The following COL12A1 variants were observed in gnomAD, a reference collection of about 807,000 sequenced individuals.
COL12A1 encodes collagen alpha-1(XII) chain.
COL12A1 carries 114 observed loss-of-function variants against 349.7 expected under a neutral mutation model. The observed-to-expected ratio is 0.33, with a 90% CI of 0.28 to 0.38. The LOEUF (loss-of-function observed/expected upper bound fraction) is 0.38, where lower values mean the gene tolerates loss of function less well. Ranked by LOEUF, COL12A1 falls within the 10% of genes least tolerant of loss-of-function variation. The pLI is 1.00. For missense variants in COL12A1, 3,284 were observed against 3,756.9 expected, an observed-to-expected ratio of 0.87 and a Z score of 3.29; for synonymous variants, 1,369 against 1,329.0, an observed-to-expected ratio of 1.03 and a Z score of -0.66.
At chr6:75,112,103 T>C (rs530748714) in intron 51 of COL12A1, among the ~76,000 whole-genome samples, 154 of 151,988 alleles carry the variant, frequency 1.0e-3, no homozygotes, top group African/African-American at 3.5e-3. Context: ...TTTTAAAGCA[T>C]CTGTGCAACA....
chr6:75,197,123 T>C (rs1371308501), intron 2 of COL12A1, among the ~76,000 whole-genome samples: 1 of 152,146 alleles, frequency 6.6e-6, no homozygotes, highest in Non-Finnish European at 1.5e-5. Flanking sequence ...GTTTGTTTCA[T>C]GAAAAAATAA....
chr6:75,119,560 G>A, intron 44 of COL12A1, 87 bp from the exon 45 acceptor site: 1 of 1,474,714 alleles, frequency 6.8e-7, no homozygotes, highest in South Asian at 1.4e-5. Flanking sequence ...GCGGAATAAA[G>A]CGGTGGGGGT....
intron 13 of COL12A1, among the ~76,000 whole-genome samples, chr6:75,169,407 A>G (rs1463781829): frequency 6.6e-6 from 1 of 152,152 alleles, no homozygotes; most frequent in Non-Finnish European, 1.5e-5. Context: ...CTGCTCCTCA[A>G]AAGGGGAAGG....
rs1317334608 is a variant in COL12A1 at position 75,119,290 on chromosome 6, A to C, written c.7210+60T>G. ...AAGAATCTGGATATCAGCATGAGAT[A>C]ATACACTCAGTTCTGCCACTACAAA... is the stretch of plus-strand genomic sequence containing the variant. On this transcript the variant is annotated intron_variant, in intron 45 of 65. Transcript: ENST00000322507. 5 of 1,606,200 alleles carry C rather than the reference A, an allele frequency of 3.1e-6. No homozygotes were observed. In the African/African-American group the frequency reaches 5.4e-5, roughly 17 times the overall value.
chr6:75,178,613 G>A (rs371523403), intron 11 of COL12A1, among the ~76,000 whole-genome samples: 7 of 152,272 alleles, frequency 4.6e-5, no homozygotes, highest in African/African-American at 1.7e-4. Context: ...TTTGTGTTTA[G>A]TAAACATGTT....
chr6:75,203,372 G>T (rs374814351), intron 1 of COL12A1, among the ~76,000 whole-genome samples: 39 of 152,052 alleles, frequency 2.6e-4, no homozygotes, highest in Non-Finnish European at 5.0e-4. Flanking sequence ...AATATGTAAG[G>T]CCCAGCTGAA....
At chr6:75,139,480 G>A (rs1186066761) in intron 27 of COL12A1, among the ~76,000 whole-genome samples, 5 of 152,100 alleles carry the variant, frequency 3.3e-5, no homozygotes. Flanking sequence ...GATACCCAAA[G>A]GAAACAGTTT....
At chr6:75,194,969 T>A in intron 2 of COL12A1, 22 bp from the exon 3 acceptor site, 1 of 1,357,188 alleles carries the variant, frequency 7.4e-7, no homozygotes, top group Non-Finnish European at 1.0e-6. Context: ...AGAGTTTATA[T>A]TATTAAACTT....
At position 75,146,149 on chromosome 6, in the gene COL12A1, A is replaced by C. The variant is rs1208927539; in HGVS notation, c.4513T>G (p.Leu1505Val). The C allele has an allele frequency of 1.9e-6, 3 of 1,612,916 alleles. No homozygotes were observed. The East Asian group carries it at 6.7e-5, about 36-fold the overall frequency. ...GTGTCCTTAACAGGTTTGTATGACA[A>C]GATGTAGCCAGTAGCTCCTCCCACA... ...QPVGGATGYI[L>V]SYKPVKDTEP... The change falls in exon 24 of 66, where the codon TTG becomes GTG. Residue 1505 changes from leucine (L) to valine (V), a missense_variant. Physicochemically the swap from Leu to Val is conservative, Grantham distance 32. Around this residue, in one of 2 missense-constraint regions of COL12A1, gnomAD observed 2,601 missense variants for 2,824.8 expected, o/e 0.92. Coordinates refer to ENST00000322507, the MANE Select transcript of COL12A1 (RefSeq NM_004370.6).
chr6:75,144,555 A>G (rs564324152), intron 25 of COL12A1, among the ~76,000 whole-genome samples: 1 of 152,244 alleles, frequency 6.6e-6, no homozygotes, highest in East Asian at 1.9e-4. Context: ...CAATCTCCCC[A>G]AGCATGAAGC....
intron 39 of COL12A1, among the ~76,000 whole-genome samples, chr6:75,125,696 C>T (rs561508241): frequency 1.9e-4 from 29 of 152,166 alleles, no homozygotes; most frequent in Admixed American, 2.0e-4. Context: ...TCCTTAGTTA[C>T]CAACCCCACT....
chr6:75,095,056 T>C, intron 60 of COL12A1, 52 bp downstream of exon 60: 1 of 1,514,398 alleles, frequency 6.6e-7, no homozygotes. Context: ...GTTCTCATTA[T>C]TTATTTCCAC....
intron 2 of COL12A1, among the ~76,000 whole-genome samples, chr6:75,199,332 C>G (rs752584226): frequency 2.0e-5 from 3 of 152,116 alleles, no homozygotes; most frequent in Non-Finnish European, 4.4e-5. Flanking sequence ...CTATGTTAGC[C>G]TCTAGTTTGA....
At chr6:75,088,378 T>C (rs1240430864) in intron 64 of COL12A1, among the ~76,000 whole-genome samples, 2 of 151,978 alleles carry the variant, frequency 1.3e-5, no homozygotes, top group Non-Finnish European at 2.9e-5. Context: ...AGTGAGGCTA[T>C]GTTTTCTCAG....
rs182713886 is a variant in COL12A1, at chr6:75,190,955, C to A, written c.394+746G>T. ...GAGGGGATACTTCCAGATAAAGAGA[C>A]CTTTGTGTTTATAATCTTTTTATTG... On this transcript the variant is annotated intron_variant, in intron 5 of 65. Coordinates refer to ENST00000322507, the MANE Select transcript of COL12A1 (RefSeq NM_004370.6). Among the ~76,000 whole-genome samples, 173 of 151,912 alleles carry A rather than the reference C, an allele frequency of 1.1e-3. 1 individual carries two copies. The highest frequency in any genetic ancestry group is 3.6e-3 in the African/African-American group (149 of 41,502).
intron 17 of COL12A1, among the ~76,000 whole-genome samples, 176 bp from the exon 18 acceptor site, chr6:75,152,658 C>A (rs561526897): frequency 6.6e-6 from 1 of 152,268 alleles, no homozygotes; most frequent in Non-Finnish European, 1.5e-5. Context: ...TTATTAACCT[C>A]AATTAACAGT....
Position 75,089,186 on chromosome 6 carries a change from GAA to G in COL12A1, c.8942-14_8942-13del. 1 of 1,589,870 alleles carries G rather than the reference GAA, an allele frequency of 6.3e-7. No homozygotes were observed. The highest frequency in any genetic ancestry group is 1.1e-5 in the South Asian group (1 of 87,834). On this transcript the variant is annotated splice_polypyrimidine_tract_variant and intron_variant, in intron 63 of 65. Transcript: ENST00000322507. The stretch of plus-strand genomic sequence containing the variant: ...CTCTCCTGGCAAACCTAAGGAGGGA[GAA>G]AAAGAGAAAGCACAGGGGAAAAATT...
At chr6:75,134,328 G>A (rs988438531) in intron 32 of COL12A1, among the ~76,000 whole-genome samples, 45 of 152,094 alleles carry the variant, frequency 3.0e-4, no homozygotes, top group African/African-American at 1.1e-3. Flanking sequence ...TCAGCATTTT[G>A]GGAGCCCAAG....
Position 75,128,304 on chromosome 6 carries a change from C to T in COL12A1, c.6332G>A (p.Gly2111Glu), listed in dbSNP as rs771019349. The T allele has an allele frequency of 1.1e-5, 18 of 1,600,320 alleles. No individual in the cohort carries two copies. Among genetic ancestry groups the T allele is most frequent in the Non-Finnish European group, 8.5e-7 (1 of 1,174,540 alleles). Reference protein sequence around the residue: ...DGDGGHLTGNGRTVGLLPPQN... With the variant: ...DGDGGHLTGNERTVGLLPPQN... The stretch of plus-strand genomic sequence containing the variant: ...GAGTACAAAACACTTACCAGTTCTT[C>T]CATTTCCTGTTAGATGGCCACCATC... The change falls in exon 38 of 66, where the codon GGA becomes GAA. Residue 2111 changes from glycine to glutamate, a missense_variant. Around this residue, in one of 2 missense-constraint regions of COL12A1, gnomAD observed 2,601 missense variants for 2,824.8 expected, o/e 0.92. Transcript: ENST00000322507.
Sources: allele counts gnomAD v4.1 joint callset (sites outside exome capture counted in the v4.1 genomes callset), GRCh38; gene constraint gnomAD v4.1.1; regional missense constraint gnomAD v4.1.1; transcripts MANE v1.5; gene names NCBI Gene and HGNC (gene_info 2026-07-23, HGNC 2026-07-21).